The following LYNX1 variants were observed in gnomAD, a reference collection of about 807,000 sequenced individuals.
LYNX1 encodes the protein ly-6/neurotoxin-like protein 1.
A neutral mutation model predicts 8.3 loss-of-function variants in LYNX1; 8 were observed. That is an observed-to-expected ratio of 0.97 (90% confidence interval 0.57 to 1.74). LYNX1 has a LOEUF of 1.74. Among genes scored for constraint, LYNX1 ranks in the 40% most tolerant of loss-of-function variants. The pLI is 0.00. For synonymous variants in LYNX1, 73 were observed against 67.9 expected, an observed-to-expected ratio of 1.08 and a Z score of -0.37; for missense variants, 158 against 159.7, an observed-to-expected ratio of 0.99 and a Z score of 0.06.
chr8:142,775,530 G>A, intron 3 of LYNX1, 63 bp downstream of exon 3: 2 of 1,555,780 alleles, frequency 1.3e-6, no homozygotes, highest in Non-Finnish European at 1.7e-6. Flanking sequence ...GCATGCTCAG[G>A]GGCAGGGCAG....
In LYNX1 at chr8:142,774,145, G is replaced by GCCCGGGGCCCC; in HGVS notation, c.*1021_*1022insGGGGCCCCGGG. On this transcript the variant is annotated 3_prime_UTR_variant, in exon 4 of 4. Coordinates refer to ENST00000652477, the MANE Select transcript of LYNX1 (RefSeq NM_177477.4). ...GCTGCGGGGGAGGGGCTGGGTCTCC[G>GCCCGGGGCCCC]CCCTCCCCACCCCACCCTCCCCACT... 1 of 981,850 alleles carries GCCCGGGGCCCC rather than the reference G, an allele frequency of 1.0e-6. No individual in the cohort carries two copies. The highest frequency in any genetic ancestry group is 1.2e-6 in the Non-Finnish European group (1 of 827,984). The allele number at this position is 981,850 out of a possible 1,614,324, so 60.8% of individuals were successfully genotyped here. A position where few individuals can be genotyped will look rare whatever the true frequency, so the allele number is the denominator to read the frequency against.
In LYNX1 at chr8:142,774,631, C is replaced by T. The variant is rs1815326353; in HGVS notation, c.*536G>A. ...CCTGGCAGACTTCCTAGCACAGGGGCCGGTGCCAAAGGCCCTCCTCCCACA... is the reference window on the plus strand; with the variant it reads ...CCTGGCAGACTTCCTAGCACAGGGGTCGGTGCCAAAGGCCCTCCTCCCACA... On this transcript the variant is annotated 3_prime_UTR_variant, in exon 4 of 4. Coordinates refer to ENST00000652477, the MANE Select transcript of LYNX1 (RefSeq NM_177477.4). 2 of 987,138 alleles carry T rather than the reference C, an allele frequency of 2.0e-6. No individual in the cohort carries two copies. The highest frequency in any genetic ancestry group is 5.2e-4 in the Middle Eastern group (1 of 1,914). 61.1% of individuals were successfully genotyped at this position (987,138 alleles called of 1,614,324 possible). A position where few individuals can be genotyped will look rare whatever the true frequency, so the allele number is the denominator to read the frequency against.
Position 142,771,237 on chromosome 8 carries a change from C to T in LYNX1, c.*3930G>A, listed in dbSNP as rs1255259034. The T allele has an allele frequency of 2.1e-5, 21 of 985,244 alleles. No individual in the cohort carries two copies. The highest frequency in any genetic ancestry group is 1.7e-5 in the African/African-American group (1 of 57,188). The allele number at this position is 985,244 out of a possible 1,614,324, so 61.0% of individuals were successfully genotyped here. Reference sequence around the variant, plus strand: ...TTGATTTATTTACGGCTCGGTGAGACGACGCTGGACGCTGGTTAGGGTAAG... The same window carrying T: ...TTGATTTATTTACGGCTCGGTGAGATGACGCTGGACGCTGGTTAGGGTAAG... On this transcript the variant is annotated 3_prime_UTR_variant, in exon 4 of 4. Transcript: ENST00000652477.
chr8:142,775,089 A>G lies in LYNX1; in HGVS notation c.*78T>C, dbSNP rs947716400. The G allele has an allele frequency of 4.6e-6, 7 of 1,522,022 alleles. No homozygotes were observed. In the African/African-American group the frequency reaches 8.2e-5, roughly 18 times the overall value. 94.3% of individuals were successfully genotyped at this position (1,522,022 alleles called of 1,614,324 possible). A position where few individuals can be genotyped will look rare whatever the true frequency, so the allele number is the denominator to read the frequency against. The stretch of plus-strand genomic sequence containing the variant: ...GAGGTCGCAGGGAGTGTGGAGGGTG[A>G]GGCAGGGTGAGCTGGGTGCGAGGGT... On this transcript the variant is annotated 3_prime_UTR_variant, in exon 4 of 4. Transcript: ENST00000652477.
chr8:142,774,834 C>A lies in LYNX1; in HGVS notation c.*333G>T. On this transcript the variant is annotated 3_prime_UTR_variant, in exon 4 of 4. Transcript: ENST00000652477. ...GGCAGGGGCCTCTCCTAGGGCTTCC[C>A]AGAAGGTGGGCTTGGCCACAGCTCC... The A allele has an allele frequency of 8.4e-7, 1 of 1,196,188 alleles. No individual in the cohort carries two copies. Among genetic ancestry groups the A allele is most frequent in the Non-Finnish European group, 1.0e-6 (1 of 959,856 alleles). 74.1% of individuals were successfully genotyped at this position (1,196,188 alleles called of 1,614,324 possible).
Position 142,775,258 on chromosome 8 carries a change from T to C in LYNX1, c.260A>G (p.Gln87Arg), listed in dbSNP as rs773055443. Residue 87 changes from glutamine to arginine, a missense_variant, in exon 4 of 4, where the codon CAG becomes CGG. Physicochemically the swap from Gln to Arg is conservative, Grantham distance 43 (BLOSUM62 1). Coordinates refer to ENST00000652477, the MANE Select transcript of LYNX1 (RefSeq NM_177477.4). ...SKHASTTSCCQYDLCNGTGLA... is the reference protein window; with the variant it reads ...SKHASTTSCCRYDLCNGTGLA... ...GCCGGTGCCGTTGCAGAGGTCGTAC[T>C]GGCAGCAGGAGGTGGTGGACGCGTG... is the stretch of plus-strand genomic sequence containing the variant. 6.2e-7 allele frequency: 1 copy of C among 1,613,912 alleles called. No homozygotes were observed. Among genetic ancestry groups the C allele is most frequent in the African/African-American group, 1.3e-5 (1 of 75,024 alleles).
rs587614144 is a variant in LYNX1, at chr8:142,771,605, C to T, written c.*3562G>A. On this transcript the variant is annotated 3_prime_UTR_variant, in exon 4 of 4. Transcript: ENST00000652477. ...GGCTGGCAGATTCAGGCCCTCCCTG[C>T]GAGCTGAGGTTTGAAGAGGAGAGCA... The T allele has an allele frequency of 1.6e-5, 16 of 985,640 alleles. No homozygotes were observed. Among genetic ancestry groups the T allele is most frequent in the South Asian group, 9.4e-5 (2 of 21,282 alleles). 61.1% of individuals were successfully genotyped at this position (985,640 alleles called of 1,614,324 possible). A position where few individuals can be genotyped will look rare whatever the true frequency, so the allele number is the denominator to read the frequency against.
In LYNX1 at chr8:142,773,180, G is replaced by T; in HGVS notation, c.*1987C>A. 4 of 985,682 alleles carry T rather than the reference G, an allele frequency of 4.1e-6. No individual in the cohort carries two copies. The highest frequency in any genetic ancestry group is 4.8e-6 in the Non-Finnish European group (4 of 830,132). The allele number at this position is 985,682 out of a possible 1,614,324, so 61.1% of individuals were successfully genotyped here. On this transcript the variant is annotated 3_prime_UTR_variant, in exon 4 of 4. Transcript: ENST00000652477. ...GGAGCCCAAAGCCGCCTCCCTCCCG[G>T]TAAGCATCCCAAGGCATCGCTGGCT...
In LYNX1 at chr8:142,776,011, T is replaced by TGGATCCAACTCAGGGGTGGCGCACAGA. The variant is rs1380389593; in HGVS notation, c.-81_-55dup. On this transcript the variant is annotated 5_prime_UTR_variant, in exon 2 of 4. Transcript: ENST00000652477. ...TGGGGAGGTCAACAGCAGCTAGCCC[T>TGGATCCAACTCAGGGGTGGCGCACAGA]GGATCCAACTCAGGGGTGGCGCACA... The TGGATCCAACTCAGGGGTGGCGCACAGA allele has an allele frequency of 1.0e-5, 16 of 1,601,460 alleles. No homozygotes were observed. The highest frequency in any genetic ancestry group is 2.2e-5 in the East Asian group (1 of 44,578).
rs587670982 is a variant in LYNX1 at position 142,773,474 on chromosome 8, G to A, written c.*1693C>T. The A allele has an allele frequency of 6.1e-6, 6 of 985,466 alleles. No homozygotes were observed. Among genetic ancestry groups the A allele is most frequent in the South Asian group, 4.7e-5 (1 of 21,286 alleles). 61.0% of individuals were successfully genotyped at this position (985,466 alleles called of 1,614,324 possible). ...GTCACGTTCCTCCCGCTCCGGGCCC[G>A]TTCCCACCCAAGGTCCCTTTGCAGA... On this transcript the variant is annotated 3_prime_UTR_variant, in exon 4 of 4. Transcript: ENST00000652477.
chr8:142,775,088 G>A lies in LYNX1; in HGVS notation c.*79C>T, dbSNP rs909599966. ...GGAGGTCGCAGGGAGTGTGGAGGGTGAGGCAGGGTGAGCTGGGTGCGAGGG... is the reference window on the plus strand; with the variant it reads ...GGAGGTCGCAGGGAGTGTGGAGGGTAAGGCAGGGTGAGCTGGGTGCGAGGG... On this transcript the variant is annotated 3_prime_UTR_variant, in exon 4 of 4. Coordinates refer to ENST00000652477, the MANE Select transcript of LYNX1 (RefSeq NM_177477.4). 1.4e-5 allele frequency: 21 copies of A among 1,521,152 alleles called. No individual in the cohort carries two copies. Among genetic ancestry groups the A allele is most frequent in the African/African-American group, 8.2e-5 (6 of 73,412 alleles). 94.2% of individuals were successfully genotyped at this position (1,521,152 alleles called of 1,614,324 possible).
rs1208037292 is a variant in LYNX1, at chr8:142,772,380, G to T, written c.*2787C>A. 2 of 985,502 alleles carry T rather than the reference G, an allele frequency of 2.0e-6. No homozygotes were observed. 61.0% of individuals were successfully genotyped at this position (985,502 alleles called of 1,614,324 possible). A position where few individuals can be genotyped will look rare whatever the true frequency, so the allele number is the denominator to read the frequency against. Reference sequence around the variant, plus strand: ...GCTGGAGGCCTTACTCTACCACTCAGGGCTTCTCAAACCTCTGGTTCCACT... The same window carrying T: ...GCTGGAGGCCTTACTCTACCACTCATGGCTTCTCAAACCTCTGGTTCCACT... On this transcript the variant is annotated 3_prime_UTR_variant, in exon 4 of 4. Transcript: ENST00000652477.
Position 142,771,513 on chromosome 8 carries a change from T to C in LYNX1, c.*3654A>G, listed in dbSNP as rs779430337. Reference sequence around the variant, plus strand: ...GTCTCTCGGGCTGCCCAGGTGGCTCTGTCCACCCTTCTGTCTGGGAGGCTC... The same window carrying C: ...GTCTCTCGGGCTGCCCAGGTGGCTCCGTCCACCCTTCTGTCTGGGAGGCTC... On this transcript the variant is annotated 3_prime_UTR_variant, in exon 4 of 4. Transcript: ENST00000652477. 1,997 of 985,360 alleles carry C rather than the reference T, an allele frequency of 2.0e-3. 1 individual carries two copies. The highest frequency in any genetic ancestry group is 2.2e-3 in the Non-Finnish European group (1,860 of 829,916). 61.0% of individuals were successfully genotyped at this position (985,360 alleles called of 1,614,324 possible).
At chr8:142,777,609 G>A (rs940652570), upstream of LYNX1, 3 of 389,892 alleles carry the variant, frequency 7.7e-6, no homozygotes, top group Admixed American at 4.5e-5. Context: ...GGCACCCGCC[G>A]AGCCGAGTTC....
rs772424821 is a variant in LYNX1, at chr8:142,775,897, C to A, written c.52+9G>T. On this transcript the variant is annotated intron_variant, in intron 2 of 3. Transcript: ENST00000652477. ...GTCTGCCCATCCCTCTGTCCTTTGTCCATCTTACCCAGAGGTAAGCCCATG... is the reference window on the plus strand; with the variant it reads ...GTCTGCCCATCCCTCTGTCCTTTGTACATCTTACCCAGAGGTAAGCCCATG... 4 of 1,614,042 alleles carry A rather than the reference C, an allele frequency of 2.5e-6. No individual in the cohort carries two copies. The highest frequency in any genetic ancestry group is 2.5e-6 in the Non-Finnish European group (3 of 1,180,026).
chr8:142,775,273 G>C lies in LYNX1; in HGVS notation c.245C>G (p.Thr82Ser). The part of the protein sequence containing the change: ...VYDGYSKHAS[T>S]TSCCQYDLCN... ...GAGGTCGTACTGGCAGCAGGAGGTGGTGGACGCGTGCTTGGAGTAGCCATC... is the reference window on the plus strand; with the variant it reads ...GAGGTCGTACTGGCAGCAGGAGGTGCTGGACGCGTGCTTGGAGTAGCCATC... The change falls in exon 4 of 4, where the codon ACC becomes AGC. Residue 82 changes from threonine to serine, a missense_variant. By Grantham distance (58) the Thr-to-Ser change is moderately conservative. Transcript: ENST00000652477. The C allele has an allele frequency of 6.2e-7, 1 of 1,613,990 alleles. No homozygotes were observed.
At position 142,774,912 on chromosome 8, in the gene LYNX1, G is replaced by A; in HGVS notation, c.*255C>T. On this transcript the variant is annotated 3_prime_UTR_variant, in exon 4 of 4. Coordinates refer to ENST00000652477, the MANE Select transcript of LYNX1 (RefSeq NM_177477.4). ...GGGCCCCTCCCCATAAATAGCCCTG[G>A]ACAGGCGAGGGGCTGATCAGCCCAT... The A allele has an allele frequency of 7.2e-7, 1 of 1,390,746 alleles. No individual in the cohort carries two copies. The highest frequency in any genetic ancestry group is 9.3e-7 in the Non-Finnish European group (1 of 1,074,408). 86.2% of individuals were successfully genotyped at this position (1,390,746 alleles called of 1,614,324 possible).
chr8:142,774,145 G>GCCCGGCCCCCCCC lies in LYNX1; in HGVS notation c.*1021_*1022insGGGGGGGGCCGGG. 1.0e-6 allele frequency: 1 copy of GCCCGGCCCCCCCC among 981,860 alleles called. No homozygotes were observed. Among genetic ancestry groups the GCCCGGCCCCCCCC allele is most frequent in the Non-Finnish European group, 1.2e-6 (1 of 827,994 alleles). The allele number at this position is 981,860 out of a possible 1,614,324, so 60.8% of individuals were successfully genotyped here. A position where few individuals can be genotyped will look rare whatever the true frequency, so the allele number is the denominator to read the frequency against. On this transcript the variant is annotated 3_prime_UTR_variant, in exon 4 of 4. Transcript: ENST00000652477. Reference sequence around the variant, plus strand: ...GCTGCGGGGGAGGGGCTGGGTCTCCGCCCTCCCCACCCCACCCTCCCCACT... The same window carrying GCCCGGCCCCCCCC: ...GCTGCGGGGGAGGGGCTGGGTCTCCGCCCGGCCCCCCCCCCCTCCCCACCCCACCCTCCCCACT...
chr8:142,774,861 A>G lies in LYNX1; in HGVS notation c.*306T>C. On this transcript the variant is annotated 3_prime_UTR_variant, in exon 4 of 4. Transcript: ENST00000652477. ...GAAGGTGGGCTTGGCCACAGCTCCCATCTGCTCAGTGCTCCCTGCCTGACT... is the reference window on the plus strand; with the variant it reads ...GAAGGTGGGCTTGGCCACAGCTCCCGTCTGCTCAGTGCTCCCTGCCTGACT... 2.4e-6 allele frequency: 3 copies of G among 1,274,226 alleles called. No homozygotes were observed. The highest frequency in any genetic ancestry group is 3.0e-6 in the Non-Finnish European group (3 of 1,005,656). 78.9% of individuals were successfully genotyped at this position (1,274,226 alleles called of 1,614,324 possible).
Sources: gnomAD v4.1 joint callset for allele counts on GRCh38, gnomAD v4.1.1 for gene constraint, MANE v1.5 for transcripts, NCBI Gene and HGNC (gene_info 2026-07-23, HGNC 2026-07-21) for gene names.